The following XYLT2 variants were observed in gnomAD, a reference collection of about 807,000 sequenced individuals.
XYLT2 encodes the protein UDP-D-xylose:proteoglycan core protein beta-D-xylosyltransferase.
A neutral mutation model predicts 82.6 loss-of-function variants in XYLT2; 37 were observed. The observed-to-expected ratio is 0.45, with a 90% CI of 0.34 to 0.59. The LOEUF (loss-of-function observed/expected upper bound fraction) is 0.59, where lower values mean the gene tolerates loss of function less well. Ranked by LOEUF, XYLT2 falls within the 20% of genes least tolerant of loss-of-function variation. The pLI, the probability that XYLT2 is intolerant of heterozygous loss-of-function variation, is 0.01. For missense variants in XYLT2, 934 were observed against 1,181.3 expected, an observed-to-expected ratio of 0.79 and a Z score of 3.07; for synonymous variants, 474 against 499.0, an observed-to-expected ratio of 0.95 and a Z score of 0.67.
At chr17:50,353,608 T>C (rs1203005135) in intron 1 of XYLT2, 22 bp from the exon 2 acceptor site, 1 of 1,550,756 alleles carries the variant, frequency 6.4e-7, no homozygotes. Context: ...GCCCCAGTGA[T>C]GTGTCTGCAT....
intron 1 of XYLT2, among the ~76,000 whole-genome samples, chr17:50,350,162 G>A (rs8075856): frequency 0.05 from 1,797 of 36,008 alleles, 46 homozygotes; most frequent in East Asian, 0.31. Context: ...CAGCCTGGGC[G>A]ACAGAGTGAG....
chr17:50,357,220 A>T lies in XYLT2; in HGVS notation c.1909A>T (p.Ser637Cys). 6.2e-7 allele frequency: 1 copy of T among 1,607,556 alleles called. No individual in the cohort carries two copies. The highest frequency in any genetic ancestry group is 1.1e-5 in the South Asian group (1 of 90,770). Residue 637 changes from serine (S) to cysteine (C), a missense_variant, in exon 9 of 11, where the codon AGT becomes TGT. Around this residue, in one of 3 missense-constraint regions of XYLT2, gnomAD observed 374 missense variants for 465.6 expected, o/e 0.80. Coordinates refer to ENST00000017003, the MANE Select transcript of XYLT2 (RefSeq NM_022167.4). ...AGGGTCGCTGAAGCTGTTGGGGCGC[A>T]GTGACCAGGCCAGCCGGCTCCAGAG... ...PQGSLKLLGR[S>C]DQASRLQSLE... is the part of the protein sequence containing the mutation.
At chr17:50,347,871 T>A (rs1309363563) in intron 1 of XYLT2, among the ~76,000 whole-genome samples, 1 of 152,222 alleles carries the variant, frequency 6.6e-6, no homozygotes, top group African/African-American at 2.4e-5. Context: ...ACCACTCTCT[T>A]CCAGCTCTGA....
chr17:50,352,400 G>A lies in XYLT2; in HGVS notation c.136-1230G>A, dbSNP rs117882156. Among the ~76,000 whole-genome samples, 24 of 152,318 alleles carry A rather than the reference G, an allele frequency of 1.6e-4. No homozygotes were observed. In the East Asian group the frequency reaches 4.6e-3, roughly 29 times the overall value. On this transcript the variant is annotated intron_variant, in intron 1 of 10. Transcript: ENST00000017003. ...TCCGTGTGTGCCAGCTGCTCTGCTGGGCCCTGGAGAGATGGAGCTGACATG... is the reference window on the plus strand; with the variant it reads ...TCCGTGTGTGCCAGCTGCTCTGCTGAGCCCTGGAGAGATGGAGCTGACATG...
rs572654600 is a variant in XYLT2, at chr17:50,355,940, T to C, written c.1248T>C (p.Asp416=). The C allele has an allele frequency of 1.2e-6, 2 of 1,614,224 alleles. No individual in the cohort carries two copies. The highest frequency in any genetic ancestry group is 4.5e-5 in the East Asian group (2 of 44,888). ...RSFVEYVVYT[D]DPLVAQLRQF... ...TTGTGGAGTATGTGGTGTACACAGA[T>C]GACCCGCTTGTGGCCCAGCTGCGCC... is the stretch of plus-strand genomic sequence containing the variant. The change falls in exon 6 of 11, where the codon GAT becomes GAC. Residue 416 remains aspartate (D), a synonymous_variant. Coordinates refer to ENST00000017003, the MANE Select transcript of XYLT2 (RefSeq NM_022167.4).
intron 1 of XYLT2, among the ~76,000 whole-genome samples, chr17:50,351,815 T>C (rs1364354974): frequency 1.3e-5 from 2 of 151,998 alleles, no homozygotes; most frequent in African/African-American, 4.8e-5. Context: ...AGGAGGCTGG[T>C]AGTTAAATGC....
chr17:50,358,234 C>T lies in XYLT2; in HGVS notation c.1969C>T (p.Arg657Cys), dbSNP rs961787250. The change falls in exon 10 of 11, where the codon CGT becomes TGT. Residue 657 changes from arginine (R) to cysteine (C), a missense_variant. Coordinates refer to ENST00000017003, the MANE Select transcript of XYLT2 (RefSeq NM_022167.4). Reference protein sequence around the residue: ...EVGTDWDPKERLFRNFGGLLG... With the variant: ...EVGTDWDPKECLFRNFGGLLG... ...TGGCACTGATTGGGACCCCAAAGAG[C>T]GTCTTTTCCGGAACTTTGGGGGGTT... 2.1e-5 allele frequency: 34 copies of T among 1,608,908 alleles called. No homozygotes were observed. The highest frequency in any genetic ancestry group is 2.5e-5 in the Non-Finnish European group (30 of 1,176,900).
chr17:50,352,569 C>T (rs1371629759), intron 1 of XYLT2, among the ~76,000 whole-genome samples: 2 of 152,132 alleles, frequency 1.3e-5, no homozygotes, highest in Non-Finnish European at 2.9e-5. Flanking sequence ...TCAGGCAGGG[C>T]AAGTAGGATG....
intron 4 of XYLT2, 137 bp from the exon 5 acceptor site, chr17:50,355,364 C>A: frequency 1.1e-6 from 1 of 929,552 alleles, no homozygotes; most frequent in Non-Finnish European, 1.7e-6. Flanking sequence ...TGGTGCTCAC[C>A]ACCCCAGACA....
rs921741837 is a variant in XYLT2 at position 50,346,339 on chromosome 17, T to TGCGGGCGGCCCC, written c.135+65_135+76dup. 1 of 1,001,706 alleles carries TGCGGGCGGCCCC rather than the reference T, an allele frequency of 1.0e-6. No homozygotes were observed. The highest frequency in any genetic ancestry group is 1.2e-6 in the Non-Finnish European group (1 of 842,136). The allele number at this position is 1,001,706 out of a possible 1,614,324, so 62.1% of individuals were successfully genotyped here. ...GGGGCGCGCGGGGTCCTGGCGGGGC[T>TGCGGGCGGCCCC]GCGGGCGGCCCCAGCCGGGGAAGTG... On this transcript the variant is annotated intron_variant, in intron 1 of 10. Transcript: ENST00000017003. This position sits in a 1 kb window ranked among gnomAD's most constrained non-coding sequence, Gnocchi z 5.1.
intron 9 of XYLT2, 30 bp downstream of exon 9, chr17:50,357,282 C>T: frequency 6.5e-7 from 1 of 1,531,296 alleles, no homozygotes; most frequent in Non-Finnish European, 8.8e-7. Context: ...TGCTTTCTCC[C>T]AACCCCCACC....
chr17:50,360,299 C>CCAG lies in XYLT2; in HGVS notation c.*10_*12dup. The CCAG allele has an allele frequency of 6.3e-7, 1 of 1,575,542 alleles. No homozygotes were observed. Among genetic ancestry groups the CCAG allele is most frequent in the Non-Finnish European group, 8.6e-7 (1 of 1,158,686 alleles). ...GACGGGCGACTCAGGTAGCAGGGCC[C>CCAG]CAGCCAGTACCCGTGGAGGACCCGG... On this transcript the variant is annotated 3_prime_UTR_variant, in exon 11 of 11. Coordinates refer to ENST00000017003, the MANE Select transcript of XYLT2 (RefSeq NM_022167.4).
At chr17:50,352,143 G>A (rs1198538009) in intron 1 of XYLT2, among the ~76,000 whole-genome samples, 13 of 152,224 alleles carry the variant, frequency 8.5e-5, no homozygotes, top group Admixed American at 8.5e-4. Context: ...GAGCATGGAG[G>A]GGAAGGCCCG....
At chr17:50,356,305 CT>C in intron 7 of XYLT2, 44 bp downstream of exon 7, 2 of 1,596,208 alleles carry the variant, frequency 1.3e-6, no homozygotes, top group Non-Finnish European at 1.7e-6. Flanking sequence ...GTCTTCTCCC[CT>C]GGCTTTTCAC....
chr17:50,358,577 G>A (rs1339067747), intron 10 of XYLT2, 37 bp downstream of exon 10: 19 of 1,559,832 alleles, frequency 1.2e-5, no homozygotes, highest in East Asian at 2.3e-5. Flanking sequence ...CCAGAAGCCA[G>A]ACAGAATAGG....
rs138934622 is a variant in XYLT2, at chr17:50,360,063, G to A, written c.2370G>A (p.Pro790=). Residue 790 remains proline, a synonymous_variant, in exon 11 of 11, where the codon CCG becomes CCA. Transcript: ENST00000017003. ...GLSSILNLPQ[P]ELAEEAAQRH... is the part of the protein sequence containing the mutation. Reference sequence around the variant, plus strand: ...GTAGCATCCTGAACCTGCCTCAGCCGGAGCTCGCGGAGGAGGCTGCCCAGC... The same window carrying A: ...GTAGCATCCTGAACCTGCCTCAGCCAGAGCTCGCGGAGGAGGCTGCCCAGC... The A allele has an allele frequency of 7.0e-5, 113 of 1,613,946 alleles. No homozygotes were observed. In the African/African-American group the frequency reaches 1.2e-3, roughly 17 times the overall value.
Position 50,355,979 on chromosome 17 carries a change from C to T in XYLT2, c.1287C>T (p.Tyr429=), listed in dbSNP as rs1598351459. The T allele has an allele frequency of 1.2e-6, 2 of 1,614,242 alleles. No homozygotes were observed. Among genetic ancestry groups the T allele is most frequent in the Non-Finnish European group, 1.7e-6 (2 of 1,180,044 alleles). The change falls in exon 6 of 11, where the codon TAC becomes TAT. Residue 429 remains tyrosine, a synonymous_variant. Coordinates refer to ENST00000017003, the MANE Select transcript of XYLT2 (RefSeq NM_022167.4). ...CCCAGCTGCGCCAGTTCTACACATACACACTGCTCCCAGCCGAGGTGGGTA... is the reference window on the plus strand; with the variant it reads ...CCCAGCTGCGCCAGTTCTACACATATACACTGCTCCCAGCCGAGGTGGGTA... ...LVAQLRQFYT[Y]TLLPAESFFH...
At chr17:50,356,296 T>A (rs775986003) in intron 7 of XYLT2, 35 bp downstream of exon 7, 2 of 1,603,662 alleles carry the variant, frequency 1.2e-6, no homozygotes, top group Non-Finnish European at 1.7e-6. Flanking sequence ...CCTGGCTAGG[T>A]CTTCTCCCCT....
chr17:50,358,634 C>CTAGGGATGGGAGTCAGCT, intron 10 of XYLT2, 94 bp downstream of exon 10: 1 of 1,313,284 alleles, frequency 7.6e-7, no homozygotes, highest in Non-Finnish European at 1.0e-6. Context: ...AGAGCTGACT[C>CTAGGGATGGGAGTCAGCT]CCATCCCTAG....
Sources: allele counts gnomAD v4.1 joint callset (sites outside exome capture counted in the v4.1 genomes callset), GRCh38; gene constraint gnomAD v4.1.1; regional missense constraint gnomAD v4.1.1; non-coding constraint Gnocchi (gnomAD v3.1); transcripts MANE v1.5; gene names NCBI Gene and HGNC (gene_info 2026-07-23, HGNC 2026-07-21).